The following GFM2 variants were observed in gnomAD, a reference collection of about 807,000 sequenced individuals.
The protein encoded by GFM2 is ribosome-releasing factor 2, mitochondrial.
GFM2 carries 72 observed loss-of-function variants against 95.4 expected under a neutral mutation model. That is an observed-to-expected ratio of 0.76 (90% CI 0.62 to 0.92). The LOEUF (loss-of-function observed/expected upper bound fraction) is 0.92. GFM2 is among the 40% of genes least tolerant of loss of function. GFM2 has a pLI of 0.00. For synonymous variants in GFM2, 276 were observed against 317.5 expected (o/e 0.87, Z 1.39); for missense variants, 825 against 924.1 (o/e 0.89, Z 1.39).
At chr5:74,738,159 T>C (rs1439251639) in intron 14 of GFM2, among the ~76,000 whole-genome samples, 159 bp downstream of exon 14, 1 of 152,164 alleles carries the variant, frequency 6.6e-6, no homozygotes, top group Non-Finnish European at 1.5e-5. Flanking sequence ...TCCTAGTAAA[T>C]GTATGAGATT....
intron 12 of GFM2, among the ~76,000 whole-genome samples, chr5:74,739,081 T>C (rs1742986110): frequency 6.6e-6 from 1 of 152,130 alleles, no homozygotes; most frequent in Non-Finnish European, 1.5e-5. Flanking sequence ...CCAACACTCT[T>C]AACAGAATGA....
intron 1 of GFM2, among the ~76,000 whole-genome samples, chr5:74,765,860 G>A (rs1478289037): frequency 6.6e-6 from 1 of 152,066 alleles, no homozygotes; most frequent in East Asian, 1.9e-4. Context: ...TTAGCTGGGT[G>A]TGGTGGCGAG....
intron 19 of GFM2, among the ~76,000 whole-genome samples, chr5:74,724,875 A>G (rs1750076450): frequency 6.6e-6 from 1 of 152,178 alleles, no homozygotes; most frequent in Non-Finnish European, 1.5e-5. Flanking sequence ...CATTCAGCAT[A>G]CCACACTCCT....
In GFM2 at chr5:74,722,445, A is replaced by C. The variant is rs752041066; in HGVS notation, c.2145T>G (p.Ile715Met). 5.6e-6 allele frequency: 9 copies of C among 1,613,906 alleles called. No homozygotes were observed. Among genetic ancestry groups the C allele is most frequent in the Non-Finnish European group, 7.6e-6 (9 of 1,179,928 alleles). The part of the protein sequence containing the change: ...LADLAQRRGN[I>M]QEIQTRQDNK... Reference sequence around the variant, plus strand: ...TGTCCTGGCGAGTCTGAATTTCCTGAATGTTTCCTCTTCTTTGTGCCAGAT... The same window carrying C: ...TGTCCTGGCGAGTCTGAATTTCCTGCATGTTTCCTCTTCTTTGTGCCAGAT... The change falls in exon 20 of 21, where the codon ATT (isoleucine) becomes ATG (methionine). Residue 715 changes from isoleucine to methionine, a missense_variant. By Grantham distance (10) the Ile-to-Met change is conservative. Coordinates refer to ENST00000296805, the MANE Select transcript of GFM2 (RefSeq NM_032380.5).
At position 74,726,190 on chromosome 5, in the gene GFM2, AC is replaced by A. The variant is rs1418168551; in HGVS notation, c.1727-65del. 7 of 1,213,554 alleles carry A rather than the reference AC, an allele frequency of 5.8e-6. No individual in the cohort carries two copies. In the Admixed American group the frequency reaches 6.8e-5, roughly 12 times the overall value. 75.2% of individuals were successfully genotyped at this position (1,213,554 alleles called of 1,614,324 possible). A position where few individuals can be genotyped will look rare whatever the true frequency, so the allele number is the denominator to read the frequency against. ...CTGGAAAGGTATCAAGGTACTATAA[AC>A]AGCAAAATTATCATCAACAAGCTCA... On this transcript the variant is annotated intron_variant, in intron 17 of 20. Transcript: ENST00000296805.
chr5:74,740,223 C>G, intron 11 of GFM2, 86 bp from the exon 12 acceptor site: 1 of 1,125,588 alleles, frequency 8.9e-7, no homozygotes, highest in Non-Finnish European at 1.3e-6. Flanking sequence ...TCTAACCAGC[C>G]ATGTAACCAG....
chr5:74,749,147 G>A (rs752950690), intron 7 of GFM2, among the ~76,000 whole-genome samples: 89 of 151,562 alleles, frequency 5.9e-4, no homozygotes, highest in Admixed American at 1.1e-3. Context: ...TGGAGTAGCT[G>A]GGATGACAAG....
At chr5:74,754,173 C>G (rs2112335598) in intron 5 of GFM2, among the ~76,000 whole-genome samples, 1 of 152,148 alleles carries the variant, frequency 6.6e-6, no homozygotes, top group Middle Eastern at 3.4e-3. Context: ...TGAGAGAACT[C>G]ACCACTAGCA....
chr5:74,761,889 G>A (rs10515192), intron 2 of GFM2, among the ~76,000 whole-genome samples: 24,344 of 152,100 alleles, frequency 0.16, 2,366 homozygotes, highest in African/African-American at 0.27. Context: ...CATGAACTGC[G>A]TATCTGTGCG....
At chr5:74,750,146 G>C (rs189466089) in intron 7 of GFM2, among the ~76,000 whole-genome samples, 1 of 152,272 alleles carries the variant, frequency 6.6e-6, no homozygotes, top group East Asian at 1.9e-4. Context: ...TTTCAATCTT[G>C]TAAGTAATGC....
chr5:74,762,246 A>G (rs564873970), intron 2 of GFM2, among the ~76,000 whole-genome samples: 6 of 152,306 alleles, frequency 3.9e-5, no homozygotes, highest in Admixed American at 3.9e-4. Flanking sequence ...AGGTTCTCCC[A>G]TACAGCAGTC....
At chr5:74,730,706 C>T (rs1742516001) in intron 16 of GFM2, 1 of 191,062 alleles carries the variant, frequency 5.2e-6, no homozygotes, top group Admixed American at 6.0e-5. Context: ...CAACACTTCC[C>T]AACCGCAAAG....
At chr5:74,765,137 C>G (rs1055820830) in intron 1 of GFM2, 1 of 1,215,536 alleles carries the variant, frequency 8.2e-7, no homozygotes, top group South Asian at 1.5e-5. Flanking sequence ...GCCTCATAGT[C>G]TCTCCACAGT....
chr5:74,742,274 A>T (rs1028472546), intron 10 of GFM2, among the ~76,000 whole-genome samples: 1 of 146,400 alleles, frequency 6.8e-6, no homozygotes, highest in Non-Finnish European at 1.5e-5. Flanking sequence ...AAAAAAAACC[A>T]CACTGTTAAC....
rs543392359 is a variant in GFM2, at chr5:74,764,147, G to C, written c.-24-381C>G. Among the ~76,000 whole-genome samples, 6 of 152,184 alleles carry C rather than the reference G, an allele frequency of 3.9e-5. No individual in the cohort carries two copies. In the East Asian group the frequency reaches 9.7e-4, roughly 24 times the overall value. ...CATATTAACTTGGTAATTTCTAATT[G>C]GCAGTAAAATTTATTGATTCATTTG... On this transcript the variant is annotated intron_variant, in intron 1 of 20. Transcript: ENST00000296805.
chr5:74,764,492 GTTTT>G (rs947934125), intron 1 of GFM2, among the ~76,000 whole-genome samples: 5 of 151,982 alleles, frequency 3.3e-5, no homozygotes, highest in Admixed American at 6.6e-5. Context: ...ATATTATGAG[GTTTT>G]TTTTATTTTT....
intron 15 of GFM2, chr5:74,733,310 G>A (rs1742668317): frequency 2.7e-6 from 1 of 377,206 alleles, no homozygotes; most frequent in Non-Finnish European, 4.7e-6. Context: ...GGGCAACATG[G>A]CGAAACCCCG....
chr5:74,726,424 T>C (rs1750151979), intron 17 of GFM2, among the ~76,000 whole-genome samples: 1 of 152,202 alleles, frequency 6.6e-6, no homozygotes, highest in Non-Finnish European at 1.5e-5. Flanking sequence ...TCAAAATGTC[T>C]TGTAGGTGAT....
chr5:74,728,081 ATG>A lies in GFM2; in HGVS notation c.1727-1957_1727-1956del, dbSNP rs1750229315. Among the ~76,000 whole-genome samples, 2 of 152,078 alleles carry A rather than the reference ATG, an allele frequency of 1.3e-5. 1 individual carries two copies. The highest frequency in any genetic ancestry group is 4.1e-4 in the South Asian group (2 of 4,820). On this transcript the variant is annotated intron_variant, in intron 17 of 20. Transcript: ENST00000296805. ...AGTTAGACTTTTAAAAGTTCCACAT[ATG>A]TGAGATCATGCCCATCGCACCTATT...
Sources: gnomAD v4.1 joint callset for allele counts (sites outside exome capture counted in the v4.1 genomes callset) on GRCh38, gnomAD v4.1.1 for gene constraint, MANE v1.5 for transcripts, NCBI Gene and HGNC (gene_info 2026-07-23, HGNC 2026-07-21) for gene names.